VPS13B: variants seen among roughly 807,000 people sequenced by gnomAD.
VPS13B encodes intermembrane lipid transfer protein VPS13B.
Under a neutral mutation model 426.4 loss-of-function variants are expected in VPS13B, and 285 were observed. The ratio of observed to expected loss-of-function variants is 0.67; its 90% CI spans 0.61 to 0.74. The LOEUF is 0.74. Among genes scored for constraint, VPS13B ranks in the 30% least tolerant of loss-of-function variants. The pLI is 0.00. For synonymous variants in VPS13B, 1,676 were observed against 1,676.4 expected (o/e 1.00, Z 0.01); for missense variants, 4,537 against 4,782.6 (o/e 0.95, Z 1.51).
At chr8:99,152,562 T>G (rs938925922) in intron 14 of VPS13B, among the ~76,000 whole-genome samples, 1 of 151,634 alleles carries the variant, frequency 6.6e-6, no homozygotes, top group African/African-American at 2.4e-5. Context: ...CTGCTGGAAC[T>G]GATTATATCT....
At chr8:99,666,494 T>C (rs1267338020) in intron 35 of VPS13B, among the ~76,000 whole-genome samples, 3 of 152,042 alleles carry the variant, frequency 2.0e-5, no homozygotes, top group African/African-American at 4.8e-5. Context: ...GGATGCAAGG[T>C]TGGTTCAACA....
intron 5 of VPS13B, 111 bp downstream of exon 5, chr8:99,103,231 A>C (rs986240907): frequency 1.6e-6 from 2 of 1,278,716 alleles, no homozygotes. Flanking sequence ...TCAAATCTTC[A>C]TGCCTCCAGT....
intron 35 of VPS13B, among the ~76,000 whole-genome samples, chr8:99,667,406 T>C (rs561307358): frequency 5.9e-5 from 9 of 152,304 alleles, no homozygotes; most frequent in African/African-American, 2.2e-4. Flanking sequence ...GAAAGATGAA[T>C]GGTTTTTAGA....
At chr8:99,624,441 A>G (rs10955219) in intron 33 of VPS13B, among the ~76,000 whole-genome samples, 17,886 of 152,136 alleles carry the variant, frequency 0.12, 1,768 homozygotes, top group East Asian at 0.39. Flanking sequence ...TAGTTGGAAG[A>G]GGTGAATAAT....
At chr8:99,731,439 T>C (rs1833596557) in intron 39 of VPS13B, among the ~76,000 whole-genome samples, 1 of 152,204 alleles carries the variant, frequency 6.6e-6, no homozygotes, top group Non-Finnish European at 1.5e-5. Flanking sequence ...GATTCAAATC[T>C]CAGTTTGTCG....
intron 51 of VPS13B, among the ~76,000 whole-genome samples, chr8:99,826,538 C>T (rs1193836910): frequency 6.6e-6 from 1 of 152,294 alleles, no homozygotes; most frequent in Non-Finnish European, 1.5e-5. Context: ...GACTTCCTCC[C>T]TTCCTATTTG....
intron 23 of VPS13B, among the ~76,000 whole-genome samples, chr8:99,447,034 T>C (rs539142877): frequency 6.6e-6 from 1 of 152,276 alleles, no homozygotes; most frequent in South Asian, 2.1e-4. Flanking sequence ...GCATGAAACT[T>C]TTAACTTACG....
Position 99,508,493 on chromosome 8 carries a change from T to A in VPS13B, c.4224+1290T>A, listed in dbSNP as rs1821621128. Among the ~76,000 whole-genome samples, 5 of 152,298 alleles carry A rather than the reference T, an allele frequency of 3.3e-5. No individual in the cohort carries two copies. In the South Asian group the frequency reaches 1.0e-3, roughly 32 times the overall value. ...TTAAAGTTAACTTTGTTCTTAAATT[T>A]AATTTTTAATAGTGTATTTGCATAG... On this transcript the variant is annotated intron_variant, in intron 28 of 61. Transcript: ENST00000357162.
At chr8:99,068,570 A>G (rs1306520475) in intron 3 of VPS13B, among the ~76,000 whole-genome samples, 4 of 152,230 alleles carry the variant, frequency 2.6e-5, no homozygotes, top group African/African-American at 7.2e-5. Flanking sequence ...TCACACTGCT[A>G]TAGAGAACTA....
chr8:99,793,076 C>T (rs1812634615), intron 43 of VPS13B, among the ~76,000 whole-genome samples: 2 of 149,808 alleles, frequency 1.3e-5, no homozygotes, highest in Admixed American at 1.3e-4. Flanking sequence ...TGGTGGTGCA[C>T]ACCTGTAGTC....
At chr8:99,249,379 G>C (rs1260171135) in intron 17 of VPS13B, among the ~76,000 whole-genome samples, 1 of 151,084 alleles carries the variant, frequency 6.6e-6, no homozygotes, top group East Asian at 1.9e-4. Context: ...CGTTTCTCTG[G>C]GACTAATGCC....
intron 19 of VPS13B, among the ~76,000 whole-genome samples, chr8:99,369,655 A>G (rs1813074859): frequency 6.6e-6 from 1 of 152,232 alleles, no homozygotes; most frequent in Non-Finnish European, 1.5e-5. Flanking sequence ...AAGGCTCTTC[A>G]TAAAAGATAA....
At chr8:99,644,111 C>G (rs188416855) in intron 34 of VPS13B, among the ~76,000 whole-genome samples, 4 of 152,018 alleles carry the variant, frequency 2.6e-5, no homozygotes, top group African/African-American at 9.7e-5. Flanking sequence ...GGAAAGGGGC[C>G]GAGAGGAACA....
rs62532634 is a variant in VPS13B at position 99,085,436 on chromosome 8, A to G, written c.292-10876A>G. ...TTGCCAGTCTGTGTCTTTTAAGTGGAGCATTTAGCCCATTTACATTTAAGG... is the reference window on the plus strand; with the variant it reads ...TTGCCAGTCTGTGTCTTTTAAGTGGGGCATTTAGCCCATTTACATTTAAGG... On this transcript the variant is annotated intron_variant, in intron 3 of 61. Coordinates refer to ENST00000357162, the MANE Select transcript of VPS13B (RefSeq NM_152564.5). 6.9e-3 allele frequency among the ~76,000 whole-genome samples: 1,053 copies of G among 152,234 alleles called. 8 individuals carry two copies. The highest frequency in any genetic ancestry group is 0.011 in the Non-Finnish European group (718 of 68,016).
chr8:99,501,584 G>A, intron 25 of VPS13B, 103 bp from the exon 26 acceptor site: 1 of 1,230,474 alleles, frequency 8.1e-7, no homozygotes, highest in East Asian at 2.5e-5. Context: ...TGTAAGATGT[G>A]AAAAAGTTAC....
intron 58 of VPS13B, among the ~76,000 whole-genome samples, chr8:99,863,667 T>C (rs1300990963): frequency 6.6e-6 from 1 of 152,170 alleles, no homozygotes; most frequent in African/African-American, 2.4e-5. Flanking sequence ...GAGTCACAAA[T>C]CAGCCCTGAT....
intron 21 of VPS13B, among the ~76,000 whole-genome samples, chr8:99,395,695 T>G (rs3103726): frequency 0.26 from 40,178 of 151,788 alleles, 6,008 homozygotes; most frequent in East Asian, 0.43. Flanking sequence ...ATATAACAGT[T>G]GCAAACATTC....
chr8:99,071,976 C>T (rs945364834), intron 3 of VPS13B, among the ~76,000 whole-genome samples: 1 of 152,102 alleles, frequency 6.6e-6, no homozygotes, highest in African/African-American at 2.4e-5. Flanking sequence ...GGGCAGTGGG[C>T]TCCCCTCTGG....
At chr8:99,568,809 G>T (rs1423224056) in intron 31 of VPS13B, among the ~76,000 whole-genome samples, 23 of 146,930 alleles carry the variant, frequency 1.6e-4, no homozygotes, top group African/African-American at 2.3e-4. Context: ...GTTTTTTTTT[G>T]TTTTTTTGTT....
Sources: gnomAD v4.1 joint callset for allele counts (sites outside exome capture counted in the v4.1 genomes callset) on GRCh38, gnomAD v4.1.1 for gene constraint, MANE v1.5 for transcripts, NCBI Gene and HGNC (gene_info 2026-07-23, HGNC 2026-07-21) for gene names.